MMP26: variants seen among roughly 807,000 people sequenced by gnomAD.
The protein encoded by MMP26 is matrix metalloproteinase-26.
Under a neutral mutation model 31.0 loss-of-function variants are expected in MMP26, and 33 were observed. That is an observed-to-expected ratio of 1.06 (90% CI 0.81 to 1.42). The LOEUF is 1.42. Ranked by LOEUF, MMP26 falls within the 40% of genes most tolerant of loss-of-function variation. MMP26 has a pLI of 0.00. For synonymous variants in MMP26, 122 were observed against 114.9 expected (o/e 1.06, Z -0.40); for missense variants, 347 against 316.1 (o/e 1.10, Z -0.74).
chr11:4,941,370 G>A (rs537775952), intron 2 of MMP26, among the ~76,000 whole-genome samples: 1 of 152,282 alleles, frequency 6.6e-6, no homozygotes, highest in African/African-American at 2.4e-5. Context: ...ATTAGAAAGA[G>A]ACAAATTCAT....
chr11:4,805,344 TC>T (rs1849252704), intron 2 of MMP26, among the ~76,000 whole-genome samples: 2 of 152,048 alleles, frequency 1.3e-5, no homozygotes, highest in Admixed American at 1.3e-4. Flanking sequence ...AAACTTTTTT[TC>T]TTTAAAAAGT....
At chr11:4,729,985 C>G (rs1430115416) in intron 1 of MMP26, among the ~76,000 whole-genome samples, 1 of 151,914 alleles carries the variant, frequency 6.6e-6, no homozygotes, top group Non-Finnish European at 1.5e-5. Flanking sequence ...ATAGATAATA[C>G]AGCCCTCATT....
chr11:4,932,332 T>C (rs1190652616), intron 2 of MMP26, among the ~76,000 whole-genome samples: 1 of 152,174 alleles, frequency 6.6e-6, no homozygotes, highest in African/African-American at 2.4e-5. Flanking sequence ...GTTCCATTCA[T>C]GTATAACTAA....
chr11:4,715,241 G>A (rs981194464), intron 1 of MMP26, among the ~76,000 whole-genome samples: 7 of 151,210 alleles, frequency 4.6e-5, no homozygotes, highest in African/African-American at 9.7e-5. Context: ...TTAGAGAGGT[G>A]TATTTGATCG....
At chr11:4,833,061 A>C (rs1849668257) in intron 2 of MMP26, 2 of 152,264 alleles carry the variant, frequency 1.3e-5, no homozygotes, top group Non-Finnish European at 2.9e-5. Context: ...ATTGGCTCTG[A>C]AGCCTAAATG....
intron 1 of MMP26, among the ~76,000 whole-genome samples, chr11:4,757,211 G>A (rs1564902362): frequency 7.0e-6 from 1 of 143,884 alleles, no homozygotes; most frequent in Non-Finnish European, 1.5e-5. Context: ...AAGGTGTCAA[G>A]ACAATTAAAT....
At chr11:4,806,616 C>G (rs1437723911) in intron 2 of MMP26, among the ~76,000 whole-genome samples, 1 of 152,066 alleles carries the variant, frequency 6.6e-6, no homozygotes, top group East Asian at 1.9e-4. Context: ...CTATGTGTGT[C>G]TCTGCACGTG....
At position 4,992,008 on chromosome 11, in the gene MMP26, T is replaced by C; in HGVS notation, c.640T>C (p.Leu214=). 2 of 1,613,238 alleles carry C rather than the reference T, an allele frequency of 1.2e-6. No individual in the cohort carries two copies. Among genetic ancestry groups the C allele is most frequent in the Middle Eastern group, 1.7e-4 (1 of 6,052 alleles). The part of the protein sequence containing the change: ...LVATHEIGHS[L]GLQHSGNQSS... ...TGCAACTCATGAGATTGGGCATTCT[T>C]TGGGCCTGCAGCACTCTGGGAATCA... is the stretch of plus-strand genomic sequence containing the variant. The change falls in exon 7 of 8, where the codon TTG becomes CTG. Residue 214 remains leucine (L), a synonymous_variant. Transcript: ENST00000380390.
At chr11:4,709,621 G>T (rs1645166911) in intron 1 of MMP26, 1 of 456,668 alleles carries the variant, frequency 2.2e-6, no homozygotes, top group African/African-American at 2.0e-5. Flanking sequence ...TTCCTTACTG[G>T]CATCCCTGGC....
intron 2 of MMP26, among the ~76,000 whole-genome samples, chr11:4,898,163 C>T (rs1228949051): frequency 1.3e-5 from 2 of 151,612 alleles, no homozygotes; most frequent in African/African-American, 4.8e-5. Context: ...ATTTTACTGT[C>T]CTTTTGAAAA....
Position 4,850,559 on chromosome 11 carries a change from C to G in MMP26, c.-145+83218C>G, listed in dbSNP as rs114947026. The stretch of plus-strand genomic sequence containing the variant: ...GCCCAAATGCCCAGAAAGATTGGAA[C>G]TGAAATTCTGGACAAAAAGACCACG... On this transcript the variant is annotated intron_variant, in intron 2 of 7. Transcript: ENST00000380390. Among the ~76,000 whole-genome samples, 316 of 152,154 alleles carry G rather than the reference C, an allele frequency of 2.1e-3. 1 individual carries two copies. The highest frequency in any genetic ancestry group is 7.4e-3 in the African/African-American group (306 of 41,498).
At chr11:4,989,028 C>T (rs2133650452) in intron 3 of MMP26, among the ~76,000 whole-genome samples, 1 of 152,290 alleles carries the variant, frequency 6.6e-6, no homozygotes, top group Middle Eastern at 3.4e-3. Flanking sequence ...CAGACATGAG[C>T]ATTGCCCTTA....
rs1849222789 is a variant in MMP26 at position 4,803,898 on chromosome 11, G to A, written c.-145+36557G>A. The A allele has an allele frequency of 4.3e-6, 7 of 1,613,116 alleles. No individual in the cohort carries two copies. In the East Asian group the frequency reaches 1.6e-4, roughly 36 times the overall value. On this transcript the variant is annotated intron_variant, in intron 2 of 7. Transcript: ENST00000380390. Reference sequence around the variant, plus strand: ...GCATCCTAGACACCATGAAGCAGAAGGGGCTCACCCACAGCAGCCCTCTCA... The same window carrying A: ...GCATCCTAGACACCATGAAGCAGAAAGGGCTCACCCACAGCAGCCCTCTCA...
chr11:4,865,422 T>C (rs1480029546), intron 2 of MMP26, among the ~76,000 whole-genome samples: 1 of 152,038 alleles, frequency 6.6e-6, no homozygotes, highest in Non-Finnish European at 1.5e-5. Flanking sequence ...TGAATCCTCT[T>C]TGCTCAAAAA....
intron 1 of MMP26, among the ~76,000 whole-genome samples, chr11:4,741,310 T>A (rs1219355442): frequency 6.6e-6 from 1 of 152,138 alleles, no homozygotes; most frequent in Admixed American, 6.6e-5. Flanking sequence ...GGGTTATACC[T>A]AAAGGAATAT....
At chr11:4,723,692 G>T in intron 1 of MMP26, 1 of 946,404 alleles carries the variant, frequency 1.1e-6, no homozygotes, top group African/African-American at 1.6e-5. Flanking sequence ...ATGTTGCCAA[G>T]CTTCAGCTTC....
rs752521674 is a variant in MMP26 at position 4,924,134 on chromosome 11, G to A, written c.-144-63934G>A. On this transcript the variant is annotated intron_variant, in intron 2 of 7. Coordinates refer to ENST00000380390, the MANE Select transcript of MMP26 (RefSeq NM_021801.5). ...AAGGCAAAGGCCTAAGTCTGTGACA[G>A]CTAGCATGCCCAAGAAATAGTACAT... The A allele has an allele frequency of 6.2e-7, 1 of 1,614,166 alleles. No homozygotes were observed. The highest frequency in any genetic ancestry group is 2.2e-5 in the East Asian group (1 of 44,864).
chr11:4,900,982 T>G (rs1850791561), intron 2 of MMP26, among the ~76,000 whole-genome samples: 1 of 152,096 alleles, frequency 6.6e-6, no homozygotes, highest in African/African-American at 2.4e-5. Context: ...CTACAGTTCA[T>G]TTTTGGCATA....
chr11:4,974,025 C>T (rs1301221865), intron 2 of MMP26: 1 of 151,772 alleles, frequency 6.6e-6, no homozygotes, highest in Admixed American at 6.6e-5. Flanking sequence ...AATTCTTAGA[C>T]ACAAACCTAA....
Sources: gnomAD v4.1 joint callset for allele counts (sites outside exome capture counted in the v4.1 genomes callset) on GRCh38, gnomAD v4.1.1 for gene constraint, MANE v1.5 for transcripts, NCBI Gene and HGNC (gene_info 2026-07-23, HGNC 2026-07-21) for gene names.